The following MED16 variants were observed in gnomAD, a reference collection of about 807,000 sequenced individuals.
MED16 encodes the protein mediator of RNA polymerase II transcription subunit 16.
A neutral mutation model predicts 84.4 loss-of-function variants in MED16; 81 were observed. The observed-to-expected ratio is 0.96, with a 90% CI of 0.80 to 1.15. MED16 has a LOEUF of 1.15. Among genes scored for constraint, MED16 ranks in the 50% most tolerant of loss-of-function variants. The pLI is 0.00. For synonymous variants in MED16, 897 were observed against 552.2 expected (o/e 1.62, Z -8.76); for missense variants, 1,585 against 1,245.9 (o/e 1.27, Z -4.10).
Position 873,029 on chromosome 19 carries a change from TCCG to T in MED16, c.1905+417_1905+419del, listed in dbSNP as rs1317690790. ...GGAGGGCTCCGAGGTGGGGCAGGGC[TCCG>T]AGGTGGGGCAGGGCTCCGAGGTGGG... On this transcript the variant is annotated intron_variant, in intron 11 of 15. Transcript: ENST00000325464. The T allele has an allele frequency of 3.7e-4, 69 of 186,390 alleles. 15 individuals are homozygous for T. The highest frequency in any genetic ancestry group is 2.1e-3 in the Admixed American group (8 of 3,770). 11.5% of individuals were successfully genotyped at this position (186,390 alleles called of 1,614,324 possible).
intron 11 of MED16, 84 bp downstream of exon 11, chr19:873,365 T>G: frequency 7.8e-7 from 1 of 1,274,782 alleles, no homozygotes; most frequent in Non-Finnish European, 1.0e-6. Context: ...GAGGTGGTTT[T>G]GAGGGGCAGG....
chr19:882,126 A>G (rs189693160), intron 6 of MED16, among the ~76,000 whole-genome samples: 35 of 152,358 alleles, frequency 2.3e-4, no homozygotes, highest in African/African-American at 8.2e-4. Context: ...GGTCGCACCC[A>G]CAGATCCGCT....
chr19:875,917 G>C (rs1334278505), intron 9 of MED16, among the ~76,000 whole-genome samples: 1 of 152,178 alleles, frequency 6.6e-6, no homozygotes, highest in Non-Finnish European at 1.5e-5. Flanking sequence ...GAGTTGGAGA[G>C]CCTGTGCAAC....
rs374975711 is a variant in MED16 at position 875,601 on chromosome 19, T to C, written c.1561-147A>G. The C allele has an allele frequency of 2.1e-4, 132 of 628,568 alleles. No individual in the cohort carries two copies. In the East Asian group the frequency reaches 3.0e-3, roughly 14 times the overall value. 38.9% of individuals were successfully genotyped at this position (628,568 alleles called of 1,614,324 possible). On this transcript the variant is annotated intron_variant, in intron 9 of 15. Coordinates refer to ENST00000325464, the MANE Select transcript of MED16 (RefSeq NM_005481.3). ...TCGCCTCTGCACCTCAGCAACCTCA[T>C]GGCAAAACAGGTGCGGAAGACCAGG...
chr19:885,173 G>A (rs548001227), intron 5 of MED16, among the ~76,000 whole-genome samples, 165 bp from the exon 6 acceptor site: 1 of 152,170 alleles, frequency 6.6e-6, no homozygotes, highest in Non-Finnish European at 1.5e-5. Flanking sequence ...CCTGTCCCCA[G>A]AGCCCAACAT....
intron 7 of MED16, 73 bp from the exon 8 acceptor site, chr19:880,221 C>T (rs932382335): frequency 7.0e-7 from 1 of 1,422,280 alleles, no homozygotes; most frequent in Non-Finnish European, 9.3e-7. Context: ...GCCTCCTGCT[C>T]TGCAGGGTGT....
rs2036158426 is a variant in MED16, at chr19:873,723, G to GGGCGTCC, written c.1772-142_1772-141insGGACGCC. ...GGGACCCACACCGGGAACGAGAAGG[G>GGGCGTCC]GGCGATGGCGTTGCCGGACGGAGAG... On this transcript the variant is annotated intron_variant, in intron 10 of 15. Coordinates refer to ENST00000325464, the MANE Select transcript of MED16 (RefSeq NM_005481.3). 3.0e-6 allele frequency: 3 copies of GGGCGTCC among 1,012,626 alleles called. No individual in the cohort carries two copies. The Admixed American group carries it at 6.9e-5, about 23-fold the overall frequency. The allele number at this position is 1,012,626 out of a possible 1,614,324, so 62.7% of individuals were successfully genotyped here. A position where few individuals can be genotyped will look rare whatever the true frequency, so the allele number is the denominator to read the frequency against.
At chr19:868,806 G>A in intron 14 of MED16, 57 bp downstream of exon 14, 1 of 1,511,144 alleles carries the variant, frequency 6.6e-7, no homozygotes, top group Non-Finnish European at 8.9e-7. Flanking sequence ...GCTAGAATCA[G>A]CTGAGCCATC....
chr19:869,815 T>C (rs2036003625), intron 13 of MED16, among the ~76,000 whole-genome samples: 1 of 152,338 alleles, frequency 6.6e-6, no homozygotes, highest in South Asian at 2.1e-4. Flanking sequence ...TTGCATGTGC[T>C]CCTTGTCAAA....
At chr19:871,700 A>C in intron 12 of MED16, 1 of 1,346,222 alleles carries the variant, frequency 7.4e-7, no homozygotes. Context: ...AGCCACTGCC[A>C]CCTGCAGGGG....
rs2035957190 is a variant in MED16 at position 868,120 on chromosome 19, T to C, written c.2615A>G (p.His872Arg). The C allele has an allele frequency of 6.2e-7, 1 of 1,610,608 alleles. No individual in the cohort carries two copies. Among genetic ancestry groups the C allele is most frequent in the South Asian group, 1.1e-5 (1 of 90,898 alleles). Residue 872 changes from histidine (H) to arginine (R), a missense_variant, in exon 16 of 16, where the codon CAT becomes CGT. By Grantham distance (29) the His-to-Arg change is conservative. Transcript: ENST00000325464. ...CGGCCGTCACGGACGGTCCTCTGGA[T>C]GCAGATGGTCCAGGGATCTGGGGGT... is the stretch of plus-strand genomic sequence containing the variant. ...PRTPRSLDHL[H>R]PEDRP is the part of the protein sequence containing the mutation.
chr19:871,767 CGGGGAGA>C (rs758330092), intron 12 of MED16, 152 bp downstream of exon 12: 3,801 of 165,816 alleles, frequency 0.023, 111 homozygotes, highest in Middle Eastern at 0.03. Flanking sequence ...GAGAGGGGAG[CGGGGAGA>C]GGGGAGAGGG....
chr19:868,121 G>T lies in MED16; in HGVS notation c.2614C>A (p.His872Asn). The T allele has an allele frequency of 6.2e-7, 1 of 1,610,732 alleles. No individual in the cohort carries two copies. The highest frequency in any genetic ancestry group is 8.5e-7 in the Non-Finnish European group (1 of 1,179,318). ...PRTPRSLDHL[H>N]PEDRP The stretch of plus-strand genomic sequence containing the variant: ...GGCCGTCACGGACGGTCCTCTGGAT[G>T]CAGATGGTCCAGGGATCTGGGGGTC... The change falls in exon 16 of 16, where the codon CAT becomes AAT. Residue 872 changes from histidine to asparagine, a missense_variant. His to Asn is a moderately conservative substitution (Grantham distance 68). Transcript: ENST00000325464.
In MED16 at chr19:885,767, C is replaced by T. The variant is rs201061199; in HGVS notation, c.879+3G>A. ...GCCCACGTGATGGCCTGCGCCCGTT[C>T]ACCTGCTCCGACATGTCCCGGGCCA... On this transcript the variant is annotated splice_donor_region_variant and intron_variant, in intron 5 of 15. Transcript: ENST00000325464. 19 of 1,605,170 alleles carry T rather than the reference C, an allele frequency of 1.2e-5. No homozygotes were observed. Among genetic ancestry groups the T allele is most frequent in the Middle Eastern group, 1.6e-4 (1 of 6,062 alleles).
In MED16 at chr19:871,189, G is replaced by A. The variant is rs35361724; in HGVS notation, c.2163C>T (p.Pro721=). The A allele has an allele frequency of 3.6e-4, 553 of 1,550,154 alleles. 3 individuals are homozygous for A. Among genetic ancestry groups the A allele is most frequent in the African/African-American group, 1.9e-3 (136 of 73,360 alleles). ...EALVDECCLL[P]SQLLIPSLDW... is the part of the protein sequence containing the mutation. ...CCAGGCTGGGGATAAGCAGCTGGCT[G>A]GGCAGCAGGCAGCATTCATCCACCA... The change falls in exon 13 of 16, where the codon CCC becomes CCT. Residue 721 remains proline (P), a synonymous_variant. Transcript: ENST00000325464.
intron 7 of MED16, among the ~76,000 whole-genome samples, chr19:880,779 G>A (rs559570794): frequency 6.7e-4 from 102 of 152,054 alleles, no homozygotes; most frequent in Non-Finnish European, 1.9e-4. Context: ...AAATTAGCCG[G>A]GCGTGGCAGC....
At chr19:890,340 C>A in intron 2 of MED16, 96 bp from the exon 3 acceptor site, 1 of 822,878 alleles carries the variant, frequency 1.2e-6, no homozygotes, top group Non-Finnish European at 1.9e-6. Flanking sequence ...GGTGTGTGTC[C>A]CACCCCAGGA....
chr19:874,783 T>C (rs918237379), intron 10 of MED16, among the ~76,000 whole-genome samples: 10 of 142,582 alleles, frequency 7.0e-5, no homozygotes, highest in Non-Finnish European at 9.1e-5. Context: ...TGAGGCGAGA[T>C]TGCTTGAGCC....
intron 6 of MED16, among the ~76,000 whole-genome samples, chr19:882,832 C>T (rs559182344): frequency 6.8e-4 from 104 of 152,336 alleles, no homozygotes; most frequent in African/African-American, 2.4e-3. Context: ...GGTCTCTGCC[C>T]CGGACGGGCC....
Sources: allele counts gnomAD v4.1 joint callset (sites outside exome capture counted in the v4.1 genomes callset), GRCh38; gene constraint gnomAD v4.1.1; transcripts MANE v1.5; gene names NCBI Gene and HGNC (gene_info 2026-07-23, HGNC 2026-07-21).